CHRDL1: variants seen among roughly 807,000 people sequenced by gnomAD.
CHRDL1 encodes the protein chordin like 1, also known as chordin-like protein 1.
A neutral mutation model predicts 40.9 loss-of-function variants in CHRDL1; 19 were observed. The ratio of observed to expected loss-of-function variants is 0.46; its 90% CI spans 0.32 to 0.68. The LOEUF (loss-of-function observed/expected upper bound fraction) is 0.68, where lower values mean the gene tolerates loss of function less well. CHRDL1 is among the 30% of genes least tolerant of loss of function. The probability of loss-of-function intolerance (pLI) is 0.03; values close to 1 mark genes in which losing one functional copy is unlikely to be tolerated. For synonymous variants in CHRDL1, 136 were observed against 123.4 expected (o/e 1.10, Z -0.68); for missense variants, 329 against 352.1 (o/e 0.93, Z 0.53).
chrX:110,688,391 C>T (rs1353112326), intron 9 of CHRDL1, among the ~76,000 whole-genome samples: 1 of 111,974 alleles, frequency 8.9e-6, no homozygotes, highest in Non-Finnish European at 1.9e-5. Flanking sequence ...GTGTGGTAGA[C>T]ACAAGCATAT....
intron 2 of CHRDL1, among the ~76,000 whole-genome samples, chrX:110,786,286 T>C (rs2090015992): frequency 8.9e-6 from 1 of 112,656 alleles, no homozygotes; most frequent in South Asian, 3.7e-4. Flanking sequence ...ATCTCTATTT[T>C]ATTTCATCTT....
chrX:110,766,439 G>T (rs1166002390), intron 2 of CHRDL1, among the ~76,000 whole-genome samples: 4 of 111,322 alleles, frequency 3.6e-5, no homozygotes, highest in Non-Finnish European at 5.7e-5. Flanking sequence ...AAATAAAATC[G>T]ATAGACCATT....
At chrX:110,697,813 TCCACACACAC>T (rs2070421001) in intron 7 of CHRDL1, among the ~76,000 whole-genome samples, 1 of 31,146 alleles carries the variant, frequency 3.2e-5, no homozygotes, top group African/African-American at 8.7e-5. Context: ...ACCACACCAC[TCCACACACAC>T]ACACACACAC....
chrX:110,677,571 A>T (rs2069805289), intron 11 of CHRDL1, among the ~76,000 whole-genome samples: 1 of 111,563 alleles, frequency 9.0e-6, no homozygotes, highest in Non-Finnish European at 1.9e-5. Flanking sequence ...TCACAGTATG[A>T]ACTAAAACAT....
At chrX:110,676,978 A>T (rs749128433) in intron 11 of CHRDL1, among the ~76,000 whole-genome samples, 1 of 110,684 alleles carries the variant, frequency 9.0e-6, no homozygotes, top group Admixed American at 9.7e-5. Flanking sequence ...CATATACCCC[A>T]TGGAATCCCT....
chrX:110,777,021 CCT>C (rs770116524), intron 2 of CHRDL1, among the ~76,000 whole-genome samples: 19 of 111,154 alleles, frequency 1.7e-4, no homozygotes, highest in African/African-American at 5.5e-4. Context: ...TTCCCTAACC[CCT>C]GTCAACCACC....
chrX:110,735,132 G>A (rs197044), intron 4 of CHRDL1, among the ~76,000 whole-genome samples: 9,524 of 110,833 alleles, frequency 0.086, 1,010 homozygotes, highest in African/African-American at 0.3. Flanking sequence ...ACAGTGGGGA[G>A]TTCAGTCAAG....
chrX:110,788,708 T>C (rs915640857), intron 2 of CHRDL1, among the ~76,000 whole-genome samples: 7 of 112,264 alleles, frequency 6.2e-5, no homozygotes, highest in African/African-American at 2.3e-4. Flanking sequence ...AGATGTACTT[T>C]TACTTTAAAA....
In CHRDL1 at chrX:110,690,976, G is replaced by A. The variant is rs191666407; in HGVS notation, c.779-2173C>T. 3.4e-3 allele frequency among the ~76,000 whole-genome samples: 374 copies of A among 110,728 alleles called. 1 individual carries two copies. The highest frequency in any genetic ancestry group is 0.012 in the African/African-American group (360 of 30,402). ...TGTAATCCCAACACTTTGGGAGGCCGAGGCAGGAAGATCCTTTGAGCCCAA... is the reference window on the plus strand; with the variant it reads ...TGTAATCCCAACACTTTGGGAGGCCAAGGCAGGAAGATCCTTTGAGCCCAA... On this transcript the variant is annotated intron_variant, in intron 8 of 11. Transcript: ENST00000372042.
intron 2 of CHRDL1, among the ~76,000 whole-genome samples, chrX:110,768,277 C>T (rs773213348): frequency 1.5e-4 from 17 of 111,976 alleles, no homozygotes; most frequent in South Asian, 1.5e-3. Context: ...GTGTTGCAGA[C>T]GAAAAGAACT....
At chrX:110,688,118 G>A (rs1479789650) in intron 9 of CHRDL1, among the ~76,000 whole-genome samples, 1 of 111,389 alleles carries the variant, frequency 9.0e-6, no homozygotes, top group Non-Finnish European at 1.9e-5. Context: ...GTACAGATAA[G>A]GCTGATGAGG....
At chrX:110,676,945 T>A (rs1436737558) in intron 11 of CHRDL1, among the ~76,000 whole-genome samples, 4 of 111,080 alleles carry the variant, frequency 3.6e-5, no homozygotes, top group Non-Finnish European at 7.6e-5. Context: ...CTAAATCCCT[T>A]CCCATGGTTC....
intron 4 of CHRDL1, among the ~76,000 whole-genome samples, chrX:110,742,499 A>C (rs2148488593): frequency 8.9e-6 from 1 of 112,762 alleles, no homozygotes; most frequent in South Asian, 3.7e-4. Flanking sequence ...GACAACAGAA[A>C]GACCTCAGAG....
At chrX:110,681,438 T>G (rs1490823214) in intron 10 of CHRDL1, 44 bp downstream of exon 10, 1 of 1,116,271 alleles carries the variant, frequency 9.0e-7, no homozygotes, top group Non-Finnish European at 1.2e-6. Context: ...CATCCTTTTC[T>G]GTGCCCCCTT....
Position 110,681,668 on chromosome X carries a change from T to C in CHRDL1, c.989-19A>G, listed in dbSNP as rs149028104. 1.6e-3 allele frequency: 1,863 copies of C among 1,164,584 alleles called. 34 individuals are homozygous for C. In the East Asian group the frequency reaches 0.028, roughly 17 times the overall value. On this transcript the variant is annotated intron_variant, in intron 9 of 11. Coordinates refer to ENST00000372042, the MANE Select transcript of CHRDL1 (RefSeq NM_001143981.2). ...AGTTCTTCTGGAATCAGGAAGCAAG[T>C]AGAATTTTGTCATGGTTTTCTAAAG...
At chrX:110,777,212 C>A (rs755370399) in intron 2 of CHRDL1, among the ~76,000 whole-genome samples, 2 of 111,285 alleles carry the variant, frequency 1.8e-5, no homozygotes, top group Non-Finnish European at 3.8e-5. Context: ...TATTCTACTG[C>A]CTGCATTTAC....
intron 2 of CHRDL1, among the ~76,000 whole-genome samples, chrX:110,775,078 T>G (rs751085314): frequency 8.9e-6 from 1 of 111,889 alleles, no homozygotes; most frequent in African/African-American, 3.2e-5. Context: ...TGAAAAAACA[T>G]TCTTTTCAAA....
At chrX:110,758,635 CTCTCTTATAAGTT>C (rs1465926712) in intron 4 of CHRDL1, among the ~76,000 whole-genome samples, 1 of 111,434 alleles carries the variant, frequency 9.0e-6, no homozygotes, top group African/African-American at 3.3e-5. Context: ...CATTTGGTTT[CTCTCTTATAAGTT>C]CTGGAAGTTC....
chrX:110,688,543 G>T, intron 9 of CHRDL1, 51 bp downstream of exon 9: 1 of 864,545 alleles, frequency 1.2e-6, no homozygotes, highest in Non-Finnish European at 1.7e-6. Context: ...AGTTTAGAAA[G>T]ACTAGGTGAG....
Sources: gnomAD v4.1 joint callset for allele counts (sites outside exome capture counted in the v4.1 genomes callset) on GRCh38, gnomAD v4.1.1 for gene constraint, MANE v1.5 for transcripts, NCBI Gene and HGNC (gene_info 2026-07-23, HGNC 2026-07-21) for gene names.